TINCR: variants seen among roughly 807,000 people sequenced by gnomAD.
The protein encoded by TINCR is TINCR ubiquitin domain containing.
At chr19:5,566,349 C>G (rs777303719) in intron 1 of TINCR, among the ~76,000 whole-genome samples, 2 of 149,362 alleles carry the variant, frequency 1.3e-5, no homozygotes, top group Non-Finnish European at 3.0e-5. Context: ...GACAGAGACA[C>G]GCAGAGAAAC....
At chr19:5,564,248 G>A (rs1459943254) in intron 1 of TINCR, among the ~76,000 whole-genome samples, 4 of 152,184 alleles carry the variant, frequency 2.6e-5, no homozygotes, top group African/African-American at 4.8e-5. Context: ...TACCGTCTGC[G>A]CTGACAGGTC....
intron 1 of TINCR, among the ~76,000 whole-genome samples, chr19:5,566,465 G>A (rs2052129605): frequency 6.6e-6 from 1 of 151,742 alleles, no homozygotes; most frequent in South Asian, 2.1e-4. Context: ...AAAGAAAGCA[G>A]AGACCAAAAT....
intron 1 of TINCR, 131 bp downstream of exon 1, chr19:5,567,534 C>T (rs1433261270): frequency 5.4e-6 from 2 of 367,156 alleles, no homozygotes; most frequent in Non-Finnish European, 9.7e-6. Context: ...GGAGAGAGGC[C>T]GGGCGGGCAG....
At chr19:5,567,213 TGAGA>T (rs1225026176) in intron 1 of TINCR, among the ~76,000 whole-genome samples, 2 of 138,808 alleles carry the variant, frequency 1.4e-5, no homozygotes, top group African/African-American at 5.5e-5. Flanking sequence ...ACAAAAGAGA[TGAGA>T]GAGACAAAGA....
intron 1 of TINCR, among the ~76,000 whole-genome samples, chr19:5,566,546 C>A (rs1212867713): frequency 6.7e-6 from 1 of 148,348 alleles, no homozygotes; most frequent in Non-Finnish European, 1.5e-5. Flanking sequence ...GAGATGCGCG[C>A]ACACACAGAC....
At position 5,563,910 on chromosome 19, in the gene TINCR, C is replaced by T. The variant is rs538442256; in HGVS notation, c.261-961G>A. On this transcript the variant is annotated intron_variant, in intron 1 of 1. Transcript: ENST00000646160. This position sits in a 1 kb window ranked among gnomAD's most constrained non-coding sequence, Gnocchi z 4.7. ...AGCCTGGGCGACAGAGCAAGACTCC[C>T]GTCTCAAAAATAATAAATAATAAAT... Among the ~76,000 whole-genome samples the T allele has an allele frequency of 3.9e-5, 6 of 152,046 alleles. 1 individual carries two copies. The highest frequency in any genetic ancestry group is 1.4e-4 in the African/African-American group (6 of 41,460).
chr19:5,566,140 G>A (rs1213779718), intron 1 of TINCR, among the ~76,000 whole-genome samples: 3 of 152,210 alleles, frequency 2.0e-5, no homozygotes, highest in Admixed American at 6.5e-5. Flanking sequence ...AAGATAAGGC[G>A]GTAGGGAGAG....
chr19:5,559,586 C>G (rs919422328), downstream of TINCR: 4 of 152,250 alleles, frequency 2.6e-5, no homozygotes, highest in African/African-American at 4.8e-5. Flanking sequence ...CCGCCTGCCT[C>G]GTCCTCCCAA....
downstream of TINCR, chr19:5,558,662 CA>C (rs1476722864): frequency 2.0e-5 from 3 of 152,240 alleles, no homozygotes; most frequent in African/African-American, 7.2e-5. Flanking sequence ...GGAGCTTCCT[CA>C]AAGCAGCTCT....
chr19:5,559,564 T>A (rs1014253604), downstream of TINCR: 5 of 152,220 alleles, frequency 3.3e-5, no homozygotes, highest in African/African-American at 7.2e-5. Context: ...CTCCATCTCC[T>A]GACCTCATGA....
chr19:5,559,105 CGATTTGCATGT>C (rs1167668354), downstream of TINCR: 2 of 152,000 alleles, frequency 1.3e-5, no homozygotes, highest in East Asian at 1.9e-4. Context: ...GATTTGCATG[CGATTTGCATGT>C]GATTTGCATA....
downstream of TINCR, chr19:5,559,449 C>T (rs1364093015): frequency 2.6e-5 from 4 of 152,326 alleles, no homozygotes; most frequent in African/African-American, 9.7e-5. Context: ...ATTCTCCTGC[C>T]TCAGCCTACC....
chr19:5,564,563 G>A (rs2052118327), intron 1 of TINCR, among the ~76,000 whole-genome samples: 2 of 152,190 alleles, frequency 1.3e-5, no homozygotes, highest in African/African-American at 4.8e-5. Flanking sequence ...GGAGCCCAGA[G>A]GAGGTTGAAA....
In TINCR at chr19:5,563,289, G is replaced by T. The variant is rs2052110591; in HGVS notation, c.261-340C>A. 2.6e-5 allele frequency among the ~76,000 whole-genome samples: 4 copies of T among 151,998 alleles called. No individual in the cohort carries two copies. Among genetic ancestry groups the T allele is most frequent in the Middle Eastern group, 3.2e-3 (1 of 316 alleles). Reference sequence around the variant, plus strand: ...GCCCTCTGGCACCTGCTACGGGGAGGACAGACTTGTAGGGGACAAGGGCAG... The same window carrying T: ...GCCCTCTGGCACCTGCTACGGGGAGTACAGACTTGTAGGGGACAAGGGCAG... On this transcript the variant is annotated intron_variant, in intron 1 of 1. Coordinates refer to ENST00000646160, the Ensembl canonical transcript of TINCR. This position sits in a 1 kb window ranked among gnomAD's most constrained non-coding sequence, Gnocchi z 4.7.
At chr19:5,561,194 A>G (rs1303858323), downstream of TINCR, 1 of 153,830 alleles carries the variant, frequency 6.5e-6, no homozygotes, top group African/African-American at 2.4e-5. Flanking sequence ...CACTGAAGAC[A>G]GGGCACCCAG....
rs1436226943 is a variant in TINCR, at chr19:5,563,686, A to AGGCAGATCACCTGAGGTT, written c.261-755_261-738dup. On this transcript the variant is annotated intron_variant, in intron 1 of 1. Transcript: ENST00000646160. The surrounding 1 kb of genome is among the most constrained non-coding windows in gnomAD (Gnocchi z 4.7). The stretch of plus-strand genomic sequence containing the variant: ...TCCCAGCACTTTGGGAGGCTGAGGT[A>AGGCAGATCACCTGAGGTT]GGCAGATCACCTGAGGTTAGGAGTT... Among the ~76,000 whole-genome samples the AGGCAGATCACCTGAGGTT allele has an allele frequency of 2.0e-5, 3 of 152,096 alleles. No homozygotes were observed. The highest frequency in any genetic ancestry group is 4.4e-5 in the Non-Finnish European group (3 of 68,010).
rs1476489597 is a variant in TINCR, at chr19:5,563,301, G to C, written c.261-352C>G. 6.6e-6 allele frequency among the ~76,000 whole-genome samples: 1 copy of C among 152,024 alleles called. No homozygotes were observed. The highest frequency in any genetic ancestry group is 2.4e-5 in the African/African-American group (1 of 41,410). On this transcript the variant is annotated intron_variant, in intron 1 of 1. Coordinates refer to ENST00000646160, the Ensembl canonical transcript of TINCR. The surrounding 1 kb of genome is among the most constrained non-coding windows in gnomAD (Gnocchi z 4.7). ...CTGCTACGGGGAGGACAGACTTGTA[G>C]GGGACAAGGGCAGGGGCTGCGGACC... is the stretch of plus-strand genomic sequence containing the variant.
At chr19:5,564,966 C>T in intron 1 of TINCR, among the ~76,000 whole-genome samples, 1 of 152,132 alleles carries the variant, frequency 6.6e-6, no homozygotes, top group Non-Finnish European at 1.5e-5. Context: ...AGCCCTCCCC[C>T]CATCACAGTC....
chr19:5,563,900 G>A lies in TINCR; in HGVS notation c.261-951C>T, dbSNP rs375611494. Among the ~76,000 whole-genome samples, 2 of 152,154 alleles carry A rather than the reference G, an allele frequency of 1.3e-5. No individual in the cohort carries two copies. Among genetic ancestry groups the A allele is most frequent in the African/African-American group, 4.8e-5 (2 of 41,432 alleles). On this transcript the variant is annotated intron_variant, in intron 1 of 1. Coordinates refer to ENST00000646160, the Ensembl canonical transcript of TINCR. The surrounding 1 kb of genome is among the most constrained non-coding windows in gnomAD (Gnocchi z 4.7). Reference sequence around the variant, plus strand: ...ACTGCACTCCAGCCTGGGCGACAGAGCAAGACTCCCGTCTCAAAAATAATA... The same window carrying A: ...ACTGCACTCCAGCCTGGGCGACAGAACAAGACTCCCGTCTCAAAAATAATA...
Sources: gnomAD v4.1 joint callset for allele counts (sites outside exome capture counted in the v4.1 genomes callset) on GRCh38, gnomAD v4.1.1 for gene constraint, Gnocchi (gnomAD v3.1) non-coding constraint, MANE v1.5 for transcripts, NCBI Gene and HGNC (gene_info 2026-07-23, HGNC 2026-07-21) for gene names.